FSD1L: variants seen among roughly 807,000 people sequenced by gnomAD.
The protein encoded by FSD1L is FSD1-like protein.
FSD1L carries 45 observed loss-of-function variants against 71.6 expected under a neutral mutation model. The observed-to-expected ratio is 0.63, with a 90% CI of 0.49 to 0.81. The LOEUF (loss-of-function observed/expected upper bound fraction) is 0.81. Among genes scored for constraint, FSD1L ranks in the 30% least tolerant of loss-of-function variants. The pLI, the probability that FSD1L is intolerant of heterozygous loss-of-function variation, is 0.00. For missense variants in FSD1L, 561 were observed against 618.1 expected (o/e 0.91, Z 0.98); for synonymous variants, 197 against 207.2 (o/e 0.95, Z 0.42).
chr9:105,508,430 G>T (rs888104000), intron 8 of FSD1L, among the ~76,000 whole-genome samples, 187 bp from the exon 9 acceptor site: 2 of 151,968 alleles, frequency 1.3e-5, no homozygotes, highest in Non-Finnish European at 2.9e-5. Flanking sequence ...GCCCACCTGG[G>T]CCTTCCAAAG....
intron 1 of FSD1L, among the ~76,000 whole-genome samples, chr9:105,460,735 A>T (rs1270120526): frequency 6.6e-6 from 1 of 152,120 alleles, no homozygotes; most frequent in Non-Finnish European, 1.5e-5. Flanking sequence ...CCTTAGGTGC[A>T]GTCTTGTTTT....
intron 10 of FSD1L, chr9:105,521,457 T>C (rs1564136638): frequency 1.9e-6 from 3 of 1,613,768 alleles, no homozygotes; most frequent in Non-Finnish European, 1.7e-6. Context: ...CAGAGTTTTT[T>C]CTTCTAAAAG....
upstream of FSD1L, among the ~76,000 whole-genome samples, chr9:105,446,023 TA>T (rs1223521378): frequency 2.0e-5 from 3 of 151,834 alleles, no homozygotes; most frequent in African/African-American, 7.3e-5. Context: ...TCTGTCCAGT[TA>T]AAAAAGGATG....
intron 10 of FSD1L, chr9:105,522,648 T>A: frequency 1.2e-6 from 2 of 1,612,544 alleles, no homozygotes; most frequent in Non-Finnish European, 1.7e-6. Flanking sequence ...TAGCAGCACT[T>A]CTGACATCTT....
rs1040076916 is a variant in FSD1L, at chr9:105,548,856, G to A, written c.*2373G>A. 3.3e-5 allele frequency: 5 copies of A among 151,954 alleles called. No homozygotes were observed. Among genetic ancestry groups the A allele is most frequent in the Admixed American group, 6.6e-5 (1 of 15,246 alleles). The allele number at this position is 151,954 out of a possible 1,614,324, so 9.4% of individuals were successfully genotyped here. A position where few individuals can be genotyped will look rare whatever the true frequency, so the allele number is the denominator to read the frequency against. On this transcript the variant is annotated 3_prime_UTR_variant, in exon 14 of 14. Transcript: ENST00000481272. ...GTTCTTAAAGGTCTCTAAAATTAAA[G>A]AACAAGATGTGGTTTTTTGTTTAAG... is the stretch of plus-strand genomic sequence containing the variant.
At chr9:105,452,668 TGCCTTCC>T (rs1830098542) in intron 1 of FSD1L, among the ~76,000 whole-genome samples, 1 of 123,526 alleles carries the variant, frequency 8.1e-6, no homozygotes, top group African/African-American at 2.9e-5. Flanking sequence ...CCTGCCTGCC[TGCCTTCC>T]TTCCTTCCTT....
intron 10 of FSD1L, chr9:105,521,419 A>G (rs1467326360): frequency 1.8e-5 from 29 of 1,614,066 alleles, no homozygotes; most frequent in Non-Finnish European, 2.5e-5. Flanking sequence ...ATTGATGAAG[A>G]ACATCTCACA....
At chr9:105,466,615 C>T (rs1269183332) in intron 3 of FSD1L, among the ~76,000 whole-genome samples, 1 of 151,850 alleles carries the variant, frequency 6.6e-6, no homozygotes, top group Non-Finnish European at 1.5e-5. Flanking sequence ...ATCGCTTGAA[C>T]CCAGGAGGTG....
At chr9:105,527,775 G>A (rs1002775583) in intron 10 of FSD1L, among the ~76,000 whole-genome samples, 1 of 151,296 alleles carries the variant, frequency 6.6e-6, no homozygotes, top group African/African-American at 2.4e-5. Flanking sequence ...ACTCAACATA[G>A]TATTGAAAGT....
At chr9:105,444,267 C>A (rs1829595502), upstream of FSD1L, among the ~76,000 whole-genome samples, 1 of 152,166 alleles carries the variant, frequency 6.6e-6, no homozygotes, top group Admixed American at 6.5e-5. Flanking sequence ...TACATAATCC[C>A]CTTTAATCCT....
chr9:105,511,173 G>A (rs1051697259), intron 9 of FSD1L, among the ~76,000 whole-genome samples: 21 of 150,606 alleles, frequency 1.4e-4, no homozygotes, highest in African/African-American at 5.1e-4. Context: ...GTCTTAAGTG[G>A]TTTTCAATGG....
chr9:105,448,162 G>A lies in FSD1L; in HGVS notation c.-59G>A. ...CGGTCTTGGGGTGTGCGATCTCGCTGAGCCTCCTCACACGGTTCGTCGTCT... is the reference window on the plus strand; with the variant it reads ...CGGTCTTGGGGTGTGCGATCTCGCTAAGCCTCCTCACACGGTTCGTCGTCT... On this transcript the variant is annotated 5_prime_UTR_variant, in exon 1 of 14. Coordinates refer to ENST00000481272, the MANE Select transcript of FSD1L (RefSeq NM_001145313.3). The A allele has an allele frequency of 2.6e-6, 4 of 1,528,468 alleles. No homozygotes were observed. The highest frequency in any genetic ancestry group is 3.5e-6 in the Non-Finnish European group (4 of 1,129,846). 94.7% of individuals were successfully genotyped at this position (1,528,468 alleles called of 1,614,324 possible). A position where few individuals can be genotyped will look rare whatever the true frequency, so the allele number is the denominator to read the frequency against.
intron 8 of FSD1L, among the ~76,000 whole-genome samples, 165 bp downstream of exon 8, chr9:105,506,773 CT>C (rs80071145): frequency 0.02 from 2,907 of 143,408 alleles, 30 homozygotes; most frequent in Middle Eastern, 0.036. Context: ...CAAGGAAACC[CT>C]TTTTTTTTTT....
intron 7 of FSD1L, among the ~76,000 whole-genome samples, chr9:105,499,036 T>G (rs960196013): frequency 1.2e-4 from 18 of 152,252 alleles, no homozygotes; most frequent in Admixed American, 4.6e-4. Flanking sequence ...TTTGTTAATG[T>G]GTGTTTTACA....
At chr9:105,520,672 A>T in intron 10 of FSD1L, 1 of 1,613,364 alleles carries the variant, frequency 6.2e-7, no homozygotes, top group Non-Finnish European at 8.5e-7. Context: ...CAAGCTCTTC[A>T]GAATAACTGT....
chr9:105,485,331 A>G (rs1832464542), intron 7 of FSD1L, among the ~76,000 whole-genome samples: 1 of 152,080 alleles, frequency 6.6e-6, no homozygotes, highest in African/African-American at 2.4e-5. Flanking sequence ...AAAAGGCAAA[A>G]CAAGAGAGTT....
intron 7 of FSD1L, 21 bp from the exon 8 acceptor site, chr9:105,506,375 CTTT>C: frequency 1.4e-5 from 16 of 1,137,226 alleles, no homozygotes; most frequent in Non-Finnish European, 1.6e-5. Context: ...ATGAATGAGT[CTTT>C]TTTTTTTTTC....
At chr9:105,509,905 T>A (rs967686587) in intron 9 of FSD1L, among the ~76,000 whole-genome samples, 2 of 152,216 alleles carry the variant, frequency 1.3e-5, no homozygotes, top group Non-Finnish European at 2.9e-5. Flanking sequence ...GATAATCTTT[T>A]CTATATAACT....
Position 105,469,358 on chromosome 9 carries a change from T to C in FSD1L, c.339+1034T>C, listed in dbSNP as rs146191988. Among the ~76,000 whole-genome samples, 109 of 130,866 alleles carry C rather than the reference T, an allele frequency of 8.3e-4. 1 individual carries two copies. Among genetic ancestry groups the C allele is most frequent in the African/African-American group, 3.2e-3 (108 of 33,496 alleles). The allele number at this position is 130,866 out of a possible 152,430, so 85.9% of individuals were successfully genotyped here. ...AGGACCCTCTATATAATGTTTTCCA[T>C]AGTGGCTGCACTATTTTACATCCTA... On this transcript the variant is annotated intron_variant, in intron 4 of 13. Coordinates refer to ENST00000481272, the MANE Select transcript of FSD1L (RefSeq NM_001145313.3).
Sources: gnomAD v4.1 joint callset for allele counts (sites outside exome capture counted in the v4.1 genomes callset) on GRCh38, gnomAD v4.1.1 for gene constraint, MANE v1.5 for transcripts, NCBI Gene and HGNC (gene_info 2026-07-23, HGNC 2026-07-21) for gene names.